Variants in AKAP12 observed in about 807,000 individuals in gnomAD.
AKAP12 encodes A-kinase anchor protein 12.
A neutral mutation model predicts 79.9 loss-of-function variants in AKAP12; 32 were observed. The observed-to-expected ratio is 0.40, with a 90% CI of 0.30 to 0.54. The LOEUF (loss-of-function observed/expected upper bound fraction) is 0.54. Among genes scored for constraint, AKAP12 ranks in the 20% least tolerant of loss-of-function variants. The probability of loss-of-function intolerance (pLI) is 0.48; values close to 1 mark genes in which losing one functional copy is unlikely to be tolerated. For missense variants in AKAP12, 2,074 were observed against 2,177.0 expected (o/e 0.95, Z 0.94); for synonymous variants, 808 against 857.0 (o/e 0.94, Z 1.00).
intron 2 of AKAP12, among the ~76,000 whole-genome samples, chr6:151,296,116 T>C (rs1277893945): frequency 6.6e-6 from 1 of 152,222 alleles, no homozygotes; most frequent in Non-Finnish European, 1.5e-5. Context: ...TGGGACCTGC[T>C]GCCACCCTCA....
intron 3 of AKAP12, among the ~76,000 whole-genome samples, chr6:151,323,477 C>G (rs554845653): frequency 1.3e-5 from 2 of 151,194 alleles, no homozygotes; most frequent in South Asian, 4.2e-4. Context: ...CACTTGAACC[C>G]GGGGGTCAGA....
At chr6:151,292,001 C>T (rs1776633288) in intron 2 of AKAP12, among the ~76,000 whole-genome samples, 1 of 152,192 alleles carries the variant, frequency 6.6e-6, no homozygotes, top group Non-Finnish European at 1.5e-5. Flanking sequence ...GAGGCAGAGA[C>T]ATTTCAATTG....
chr6:151,310,487 T>A (rs1477509097), intron 3 of AKAP12, among the ~76,000 whole-genome samples: 1 of 152,216 alleles, frequency 6.6e-6, no homozygotes, highest in Non-Finnish European at 1.5e-5. Flanking sequence ...CTCACGCCTG[T>A]AATCACAGCC....
At chr6:151,271,278 C>G (rs1376673418) in intron 2 of AKAP12, among the ~76,000 whole-genome samples, 1 of 151,976 alleles carries the variant, frequency 6.6e-6, no homozygotes, top group Non-Finnish European at 1.5e-5. Context: ...GGAATATATC[C>G]CTACATTCTT....
At chr6:151,299,870 C>T (rs1415567309) in intron 2 of AKAP12, among the ~76,000 whole-genome samples, 1 of 151,920 alleles carries the variant, frequency 6.6e-6, no homozygotes, top group African/African-American at 2.4e-5. Flanking sequence ...TTAAAGCCAT[C>T]CTCCTGCCTC....
chr6:151,325,701 GCACCTCCGGTTCTCCCC>G, intron 3 of AKAP12: 1 of 1,459,928 alleles, frequency 6.8e-7, no homozygotes, highest in Non-Finnish European at 9.0e-7. Flanking sequence ...AGCTCCGAGG[GCACCTCCGGTTCTCCCC>G]CATCCTCCGG....
At chr6:151,344,191 A>G (rs889001627) in intron 3 of AKAP12, among the ~76,000 whole-genome samples, 7 of 152,200 alleles carry the variant, frequency 4.6e-5, no homozygotes, top group Non-Finnish European at 1.0e-4. Flanking sequence ...GCTATCTGAA[A>G]TGTTTAGTTC....
At chr6:151,245,678 C>CAAAAAAAAA (rs1797060179) in intron 2 of AKAP12, among the ~76,000 whole-genome samples, 2 of 125,196 alleles carry the variant, frequency 1.6e-5, no homozygotes. Flanking sequence ...AAAAAAAAAT[C>CAAAAAAAAA]AAAAGCATGT....
chr6:151,303,872 C>T (rs1298531428), intron 2 of AKAP12, among the ~76,000 whole-genome samples: 1 of 152,054 alleles, frequency 6.6e-6, no homozygotes, highest in African/African-American at 2.4e-5. Flanking sequence ...CAAAACATGG[C>T]ACCTATCTTT....
rs749792655 is a variant in AKAP12, at chr6:151,356,034, A to G, written c.*320A>G. 2 of 152,620 alleles carry G rather than the reference A, an allele frequency of 1.3e-5. No homozygotes were observed. The highest frequency in any genetic ancestry group is 2.9e-5 in the Non-Finnish European group (2 of 68,036). 9.5% of individuals were successfully genotyped at this position (152,620 alleles called of 1,614,324 possible). A position where few individuals can be genotyped will look rare whatever the true frequency, so the allele number is the denominator to read the frequency against. On this transcript the variant is annotated 3_prime_UTR_variant, in exon 5 of 5. Transcript: ENST00000402676. ...GGCAATACCTAGTTCTGCTTCTGAA[A>G]CTGGAGTATCATTCTTTACATATTT...
chr6:151,266,168 C>T (rs149169677), intron 2 of AKAP12, among the ~76,000 whole-genome samples: 1 of 152,212 alleles, frequency 6.6e-6, no homozygotes, highest in Non-Finnish European at 1.5e-5. Context: ...TATCAACTTG[C>T]ATGAGAAGTG....
intron 2 of AKAP12, among the ~76,000 whole-genome samples, chr6:151,302,964 G>A (rs1776892929): frequency 6.6e-6 from 1 of 152,168 alleles, no homozygotes; most frequent in African/African-American, 2.4e-5. Context: ...GGGAGGCTGA[G>A]GCGGGCGGAT....
rs1303327962 is a variant in AKAP12 at position 151,332,033 on chromosome 6, G to GTTGTTTTTGTTTTTTTTTT, written c.320-16676_320-16675insGTTTTTGTTTTTTTTTTTT. 8.8e-5 allele frequency among the ~76,000 whole-genome samples: 7 copies of GTTGTTTTTGTTTTTTTTTT among 79,678 alleles called. 1 individual carries two copies. Among genetic ancestry groups the GTTGTTTTTGTTTTTTTTTT allele is most frequent in the African/African-American group, 3.3e-4 (6 of 18,436 alleles). 52.3% of individuals were successfully genotyped at this position (79,678 alleles called of 152,430 possible). A position where few individuals can be genotyped will look rare whatever the true frequency, so the allele number is the denominator to read the frequency against. ...GAGTAGCACGTCCAGTTCTGGGTCT[G>GTTGTTTTTGTTTTTTTTTT]TTTTTTTTTTTTTTTTTTTTTGAGA... On this transcript the variant is annotated intron_variant, in intron 3 of 4. Coordinates refer to ENST00000402676, the MANE Select transcript of AKAP12 (RefSeq NM_005100.4).
chr6:151,345,809 A>G (rs544424104), intron 3 of AKAP12, among the ~76,000 whole-genome samples: 7 of 151,548 alleles, frequency 4.6e-5, no homozygotes, highest in African/African-American at 1.5e-4. Context: ...AAAAAAAGAA[A>G]AGAAAAAAGA....
At chr6:151,277,035 A>T (rs1414845194) in intron 2 of AKAP12, among the ~76,000 whole-genome samples, 1 of 152,202 alleles carries the variant, frequency 6.6e-6, no homozygotes, top group Non-Finnish European at 1.5e-5. Context: ...GAAAACAAAC[A>T]AACCTAAAAA....
At chr6:151,264,186 A>T (rs1412350553) in intron 2 of AKAP12, among the ~76,000 whole-genome samples, 2 of 152,134 alleles carry the variant, frequency 1.3e-5, no homozygotes, top group Non-Finnish European at 2.9e-5. Flanking sequence ...TGCCAAGATG[A>T]AAGTGGAGCA....
intron 2 of AKAP12, among the ~76,000 whole-genome samples, chr6:151,263,234 T>C (rs185248372): frequency 3.3e-5 from 5 of 152,240 alleles, no homozygotes; most frequent in African/African-American, 9.6e-5. Context: ...AGGGTCTTGC[T>C]ATGTTGCCCA....
chr6:151,276,456 A>G (rs1776292952), intron 2 of AKAP12, among the ~76,000 whole-genome samples: 1 of 152,240 alleles, frequency 6.6e-6, no homozygotes, highest in Admixed American at 6.5e-5. Context: ...TGCTCTACCC[A>G]TCAAAACATG....
At chr6:151,317,144 G>GT (rs34994063) in intron 3 of AKAP12, among the ~76,000 whole-genome samples, 32,623 of 152,120 alleles carry the variant, frequency 0.21, 3,684 homozygotes, top group East Asian at 0.32. Context: ...ACAGAGAAAT[G>GT]TTAGTAGAAG....
Sources: gnomAD v4.1 joint callset for allele counts (sites outside exome capture counted in the v4.1 genomes callset) on GRCh38, gnomAD v4.1.1 for gene constraint, MANE v1.5 for transcripts, NCBI Gene and HGNC (gene_info 2026-07-23, HGNC 2026-07-21) for gene names.